Variants in DMRT1 observed in about 807,000 individuals in gnomAD.
DMRT1 encodes doublesex- and mab-3-related transcription factor 1.
Under a neutral mutation model 32.3 loss-of-function variants are expected in DMRT1, and 7 were observed. The ratio of observed to expected loss-of-function variants is 0.22; its 90% CI spans 0.12 to 0.41. The LOEUF (loss-of-function observed/expected upper bound fraction) is 0.41. Among genes scored for constraint, DMRT1 ranks in the 10% least tolerant of loss-of-function variants. The probability of loss-of-function intolerance (pLI) is 1.00; values close to 1 mark genes in which losing one functional copy is unlikely to be tolerated. For missense variants in DMRT1, 625 were observed against 500.5 expected (o/e 1.25, Z -2.37); for synonymous variants, 278 against 206.1 (o/e 1.35, Z -2.99).
At chr9:849,140 A>G (rs1036024443) in intron 2 of DMRT1, among the ~76,000 whole-genome samples, 1 of 152,030 alleles carries the variant, frequency 6.6e-6, no homozygotes, top group African/African-American at 2.4e-5. Flanking sequence ...ACCAAGGCTT[A>G]GTAAATGGTA....
intron 3 of DMRT1, among the ~76,000 whole-genome samples, chr9:906,376 A>G (rs1817778800): frequency 6.6e-6 from 1 of 152,224 alleles, no homozygotes; most frequent in Non-Finnish European, 1.5e-5. Flanking sequence ...GATTTATGCT[A>G]AAAGTATCCT....
chr9:850,358 T>C (rs1564195490), intron 2 of DMRT1, among the ~76,000 whole-genome samples: 1 of 151,958 alleles, frequency 6.6e-6, no homozygotes, highest in Non-Finnish European at 1.5e-5. Context: ...CTGTGGAGAG[T>C]CCTGAAGCTT....
intron 2 of DMRT1, among the ~76,000 whole-genome samples, chr9:885,025 A>G (rs1185756702): frequency 6.6e-6 from 1 of 152,234 alleles, no homozygotes; most frequent in Non-Finnish European, 1.5e-5. Flanking sequence ...TCATAACAGC[A>G]GATCTGAAAT....
chr9:885,083 G>T (rs554022744), intron 2 of DMRT1, among the ~76,000 whole-genome samples: 3 of 152,324 alleles, frequency 2.0e-5, no homozygotes, highest in African/African-American at 7.2e-5. Flanking sequence ...AGGAGGCATG[G>T]CTTGCTTCTT....
At chr9:879,910 G>C (rs907845161) in intron 2 of DMRT1, among the ~76,000 whole-genome samples, 2 of 152,200 alleles carry the variant, frequency 1.3e-5, no homozygotes, top group African/African-American at 4.8e-5. Context: ...CAAAATACCA[G>C]AAAATCACAT....
At chr9:881,985 G>T (rs1816752801) in intron 2 of DMRT1, among the ~76,000 whole-genome samples, 1 of 152,224 alleles carries the variant, frequency 6.6e-6, no homozygotes, top group African/African-American at 2.4e-5. Flanking sequence ...GGCTTTCATG[G>T]CCATGAGACA....
At chr9:853,289 C>G (rs1815241400) in intron 2 of DMRT1, among the ~76,000 whole-genome samples, 1 of 151,996 alleles carries the variant, frequency 6.6e-6, no homozygotes, top group African/African-American at 2.4e-5. Context: ...GGGGTTTGCT[C>G]TTGTTGATGT....
At chr9:845,046 G>T (rs1838848483) in intron 1 of DMRT1, among the ~76,000 whole-genome samples, 1 of 152,004 alleles carries the variant, frequency 6.6e-6, no homozygotes, top group South Asian at 2.1e-4. Context: ...TTAATTGAAC[G>T]TTTTGATTTC....
At chr9:907,467 C>A (rs763842904) in intron 3 of DMRT1, among the ~76,000 whole-genome samples, 2 of 152,210 alleles carry the variant, frequency 1.3e-5, no homozygotes, top group Admixed American at 1.3e-4. Context: ...AAACCAACCA[C>A]CCCACTCTCT....
intron 2 of DMRT1, among the ~76,000 whole-genome samples, chr9:870,949 G>A (rs1816221221): frequency 6.6e-6 from 1 of 151,376 alleles, no homozygotes; most frequent in Admixed American, 6.6e-5. Flanking sequence ...CCTGGGCTCA[G>A]CTGATCCTCC....
chr9:850,039 G>A (rs979166926), intron 2 of DMRT1, among the ~76,000 whole-genome samples: 8 of 152,162 alleles, frequency 5.3e-5, no homozygotes, highest in African/African-American at 9.7e-5. Context: ...GGCTGGTCTC[G>A]AACTCCCGAC....
intron 2 of DMRT1, among the ~76,000 whole-genome samples, chr9:865,765 C>T (rs778729932): frequency 2.0e-5 from 3 of 152,142 alleles, no homozygotes; most frequent in Admixed American, 6.5e-5. Flanking sequence ...ATTAAACCGT[C>T]CCATTAGAAT....
chr9:920,615 G>C (rs958893173), intron 4 of DMRT1, among the ~76,000 whole-genome samples: 2 of 152,196 alleles, frequency 1.3e-5, no homozygotes, highest in Non-Finnish European at 2.9e-5. Context: ...TGCTGTAAGA[G>C]GAATAGTGGG....
Position 877,656 on chromosome 9 carries a change from G to C in DMRT1, c.539-16256G>C, listed in dbSNP as rs868538614. 2.7e-4 allele frequency among the ~76,000 whole-genome samples: 41 copies of C among 152,252 alleles called. 1 individual carries two copies. The highest frequency in any genetic ancestry group is 3.4e-3 in the Middle Eastern group (1 of 294). On this transcript the variant is annotated intron_variant, in intron 2 of 4. Coordinates refer to ENST00000382276, the MANE Select transcript of DMRT1 (RefSeq NM_021951.3). ...ATGGAATTGTATATATTGAATTTAA[G>C]ATGTAAAGTTTCTCTGTGTCTCTGT... is the stretch of plus-strand genomic sequence containing the variant.
At chr9:878,034 G>C (rs1027555497) in intron 2 of DMRT1, among the ~76,000 whole-genome samples, 9 of 152,220 alleles carry the variant, frequency 5.9e-5, no homozygotes, top group Admixed American at 2.6e-4. Context: ...GGAGGTCATA[G>C]ACCACGCTAG....
chr9:884,368 C>CAAA (rs5895870), intron 2 of DMRT1, among the ~76,000 whole-genome samples: 1 of 138,254 alleles, frequency 7.2e-6, no homozygotes, highest in African/African-American at 2.7e-5. Context: ...CATGTTAGTG[C>CAAA]AAAAAAAAAA....
chr9:947,559 A>G (rs1819286294), intron 4 of DMRT1, among the ~76,000 whole-genome samples: 2 of 152,242 alleles, frequency 1.3e-5, no homozygotes, highest in African/African-American at 4.8e-5. Context: ...TGGCGAAATC[A>G]TAACAAAATG....
chr9:968,056 A>G lies in DMRT1; in HGVS notation c.1039A>G (p.Ser347Gly). The change falls in exon 5 of 5, where the codon AGC (serine) becomes GGC (glycine). Residue 347 changes from serine to glycine, a missense_variant. Around this residue, in one of 3 missense-constraint regions of DMRT1, gnomAD observed 416 missense variants for 321.6 expected, o/e 1.29. Coordinates refer to ENST00000382276, the MANE Select transcript of DMRT1 (RefSeq NM_021951.3). ...LSSSSPISNK[S>G]TKAVLECEPA... ...GAGCAGCTCTCCTATTAGTAACAAG[A>G]GCACAAAGGCAGTGCTTGAATGTGA... The G allele has an allele frequency of 1.2e-6, 2 of 1,614,168 alleles. No homozygotes were observed. Among genetic ancestry groups the G allele is most frequent in the Non-Finnish European group, 1.7e-6 (2 of 1,180,042 alleles).
chr9:854,011 A>C (rs1377983898), intron 2 of DMRT1, among the ~76,000 whole-genome samples: 2 of 151,510 alleles, frequency 1.3e-5, no homozygotes, highest in Non-Finnish European at 2.9e-5. Flanking sequence ...TTTGTTGCCC[A>C]CGCTGGTCTT....
Sources: allele counts gnomAD v4.1 joint callset (sites outside exome capture counted in the v4.1 genomes callset), GRCh38; gene constraint gnomAD v4.1.1; regional missense constraint gnomAD v4.1.1; transcripts MANE v1.5; gene names NCBI Gene and HGNC (gene_info 2026-07-23, HGNC 2026-07-21).